The following DCX variants were observed in gnomAD, a reference collection of about 807,000 sequenced individuals.
The protein encoded by DCX is doublecortin, also known as neuronal migration protein doublecortin.
A neutral mutation model predicts 20.9 loss-of-function variants in DCX; 4 were observed. That is an observed-to-expected ratio of 0.19 (90% CI 0.09 to 0.44). The LOEUF (loss-of-function observed/expected upper bound fraction) is 0.44, where lower values mean the gene tolerates loss of function less well. Ranked by LOEUF, DCX falls within the 20% of genes least tolerant of loss-of-function variation. DCX has a pLI of 0.99. For missense variants in DCX, 133 were observed against 296.9 expected (o/e 0.45, Z 4.06); for synonymous variants, 103 against 111.4 (o/e 0.92, Z 0.47).
chrX:111,309,933 A>G (rs1224007103), intron 6 of DCX, among the ~76,000 whole-genome samples: 1 of 112,304 alleles, frequency 8.9e-6, no homozygotes, highest in Non-Finnish European at 1.9e-5. Context: ...TTTGATGATC[A>G]TGCTATGGTT....
intron 5 of DCX, among the ~76,000 whole-genome samples, chrX:111,321,244 G>A (rs1033826899): frequency 8.9e-6 from 1 of 111,947 alleles, no homozygotes; most frequent in African/African-American, 3.2e-5. Flanking sequence ...AGCATGACAT[G>A]TAACTACCCT....
intron 3 of DCX, among the ~76,000 whole-genome samples, chrX:111,368,536 CT>C (rs752749020): frequency 2.7e-5 from 3 of 111,312 alleles, no homozygotes; most frequent in Non-Finnish European, 3.8e-5. Context: ...CATTTCCTGG[CT>C]GTTTTTCCAA....
rs565150016 is a variant in DCX, at chrX:111,350,461, G to A, written c.706-17308C>T. The stretch of plus-strand genomic sequence containing the variant: ...ATATAGTTACCATGTAGGCAAACAG[G>A]TAATTTATTTTATGGATAACGAAAC... On this transcript the variant is annotated intron_variant, in intron 3 of 6. Transcript: ENST00000636035. Among the ~76,000 whole-genome samples the A allele has an allele frequency of 4.5e-5, 5 of 112,173 alleles. No homozygotes were observed. In the South Asian group the frequency reaches 1.9e-3, roughly 42 times the overall value.
chrX:111,361,993 G>C (rs192339906), intron 3 of DCX, among the ~76,000 whole-genome samples: 1 of 111,653 alleles, frequency 9.0e-6, no homozygotes, highest in Non-Finnish European at 1.9e-5. Flanking sequence ...GGTTCAGCTT[G>C]CTCCTTGTTT....
At chrX:111,312,270 C>A (rs2095059426) in intron 6 of DCX, among the ~76,000 whole-genome samples, 1 of 111,826 alleles carries the variant, frequency 8.9e-6, no homozygotes, top group Non-Finnish European at 1.9e-5. Flanking sequence ...GTTATTTCCA[C>A]TGACTGGTGC....
chrX:111,384,532 A>C (rs1198567136), intron 3 of DCX, among the ~76,000 whole-genome samples: 1 of 111,460 alleles, frequency 9.0e-6, no homozygotes, highest in Non-Finnish European at 1.9e-5. Flanking sequence ...CCTCAAAACT[A>C]GATACTTTAT....
chrX:111,358,287 C>T (rs180685332), intron 3 of DCX, among the ~76,000 whole-genome samples: 18 of 112,130 alleles, frequency 1.6e-4, no homozygotes, highest in Admixed American at 1.3e-3. Flanking sequence ...CAATGTCAGA[C>T]AATATTTGAA....
chrX:111,392,709 TCA>T (rs1356008389), intron 3 of DCX, among the ~76,000 whole-genome samples: 1 of 111,903 alleles, frequency 8.9e-6, no homozygotes, highest in Admixed American at 9.5e-5. Context: ...TTGGTGATGG[TCA>T]CACATATCTG....
chrX:111,310,256 C>T (rs1013727800), intron 6 of DCX, among the ~76,000 whole-genome samples: 7 of 111,259 alleles, frequency 6.3e-5, no homozygotes, highest in Non-Finnish European at 1.1e-4. Context: ...GGCTTGAACC[C>T]GGGAGTGCGG....
At chrX:111,333,228 G>A (rs1921425795) in intron 3 of DCX, 75 bp from the exon 4 acceptor site, 8 of 805,160 alleles carry the variant, frequency 9.9e-6, no homozygotes, top group Non-Finnish European at 1.5e-5. Flanking sequence ...CTGACAAGGA[G>A]AAAAGCTTCC....
In DCX at chrX:111,300,856, G is replaced by T. The variant is rs1280925803; in HGVS notation, c.*831C>A. 1 of 111,961 alleles carries T rather than the reference G, an allele frequency of 8.9e-6. No homozygotes were observed. The highest frequency in any genetic ancestry group is 3.3e-5 in the African/African-American group (1 of 30,751). The allele number at this position is 111,961 out of a possible 1,213,427, so 9.2% of individuals were successfully genotyped here. ...GCATTCAATAGAACAGAGATAGATG[G>T]ATACCATACAGTTCATGTAATCATG... is the stretch of plus-strand genomic sequence containing the variant. On this transcript the variant is annotated 3_prime_UTR_variant, in exon 7 of 7. Transcript: ENST00000636035.
chrX:111,373,950 C>A (rs1256917157), intron 3 of DCX, among the ~76,000 whole-genome samples: 1 of 111,926 alleles, frequency 8.9e-6, no homozygotes, highest in African/African-American at 3.2e-5. Flanking sequence ...GGATGTGACA[C>A]TTTAAAGAGA....
Position 111,296,548 on chromosome X carries a change from T to A in DCX, c.*5139A>T, listed in dbSNP as rs190903985. ...TGGGCAGATAATTTGAGGCCAAGAG[T>A]TCAAGACCAGTCTGGCCAACATGGT... is the stretch of plus-strand genomic sequence containing the variant. On this transcript the variant is annotated 3_prime_UTR_variant, in exon 7 of 7. Transcript: ENST00000636035. 9.1e-6 allele frequency: 1 copy of A among 109,412 alleles called. No homozygotes were observed. The highest frequency in any genetic ancestry group is 9.7e-5 in the Admixed American group (1 of 10,288). The allele number at this position is 109,412 out of a possible 1,213,427, so 9.0% of individuals were successfully genotyped here. A position where few individuals can be genotyped will look rare whatever the true frequency, so the allele number is the denominator to read the frequency against.
chrX:111,344,641 C>T (rs1444418631), intron 3 of DCX, among the ~76,000 whole-genome samples: 1 of 110,420 alleles, frequency 9.1e-6, no homozygotes, highest in African/African-American at 3.3e-5. Context: ...CACTCACAAT[C>T]ACTACAAAAA....
chrX:111,400,784 A>C (rs1285774470), intron 3 of DCX, among the ~76,000 whole-genome samples: 1 of 112,118 alleles, frequency 8.9e-6, no homozygotes, highest in Non-Finnish European at 1.9e-5. Flanking sequence ...GGTAAATCAG[A>C]AGCAGATTGA....
intron 3 of DCX, among the ~76,000 whole-genome samples, chrX:111,357,903 C>T (rs1412292161): frequency 8.9e-6 from 1 of 111,794 alleles, no homozygotes; most frequent in African/African-American, 3.2e-5. Context: ...TCTTGGCTCA[C>T]TGCAACTTCT....
rs1374692417 is a variant in DCX at position 111,300,396 on chromosome X, A to T, written c.*1291T>A. The T allele has an allele frequency of 8.9e-6, 1 of 112,754 alleles. No individual in the cohort carries two copies. The highest frequency in any genetic ancestry group is 3.2e-5 in the African/African-American group (1 of 30,995). 9.3% of individuals were successfully genotyped at this position (112,754 alleles called of 1,213,427 possible). On this transcript the variant is annotated 3_prime_UTR_variant, in exon 7 of 7. Transcript: ENST00000636035. ...TGTGTCTTCAGTATGAAATATTAGG[A>T]TTATAGATAAAAAGAGTTGCTTAAA... is the stretch of plus-strand genomic sequence containing the variant.
intron 3 of DCX, among the ~76,000 whole-genome samples, chrX:111,382,059 G>A (rs1388995273): frequency 9.0e-6 from 1 of 111,409 alleles, no homozygotes; most frequent in Non-Finnish European, 1.9e-5. Context: ...AGAATGCTGG[G>A]CCCCACCCAT....
intron 3 of DCX, among the ~76,000 whole-genome samples, chrX:111,354,249 C>T (rs992871269): frequency 1.3e-4 from 14 of 111,740 alleles, no homozygotes; most frequent in African/African-American, 4.6e-4. Context: ...ATTCTCATAT[C>T]CCTTAAAATC....
Sources: gnomAD v4.1 joint callset for allele counts (sites outside exome capture counted in the v4.1 genomes callset) on GRCh38, gnomAD v4.1.1 for gene constraint, MANE v1.5 for transcripts, NCBI Gene and HGNC (gene_info 2026-07-23, HGNC 2026-07-21) for gene names.